Variants in PAFAH1B2 observed in about 807,000 individuals in gnomAD.
PAFAH1B2 encodes platelet activating factor acetylhydrolase 1b catalytic subunit 2, also known as platelet-activating factor acetylhydrolase IB subunit alpha2.
A neutral mutation model predicts 28.0 loss-of-function variants in PAFAH1B2; 8 were observed. The observed-to-expected ratio is 0.29, with a 90% CI of 0.17 to 0.52. The LOEUF is 0.52. PAFAH1B2 is among the 20% of genes least tolerant of loss of function. The pLI is 0.97. For missense variants in PAFAH1B2, 190 were observed against 282.6 expected (o/e 0.67, Z 2.35); for synonymous variants, 104 against 103.2 (o/e 1.01, Z -0.05).
downstream of PAFAH1B2, chr11:117,175,450 C>T: frequency 9.4e-7 from 1 of 1,068,396 alleles, no homozygotes; most frequent in Non-Finnish European, 1.1e-6. Flanking sequence ...GCAGTTGCTG[C>T]CCTCCCACTC....
At chr11:117,157,915 A>G (rs1052216128) in intron 2 of PAFAH1B2, among the ~76,000 whole-genome samples, 3 of 152,178 alleles carry the variant, frequency 2.0e-5, no homozygotes, top group Admixed American at 2.0e-4. Context: ...AGGCGGGTGG[A>G]TCACCTGAGG....
chr11:117,155,581 G>A (rs1956239563), intron 2 of PAFAH1B2, among the ~76,000 whole-genome samples: 1 of 152,132 alleles, frequency 6.6e-6, no homozygotes. Flanking sequence ...TATATTGCTG[G>A]AGTCCTTACA....
rs754800366 is a variant in PAFAH1B2, at chr11:117,161,152, G to A, written c.179G>A (p.Arg60Gln). 17 of 1,586,376 alleles carry A rather than the reference G, an allele frequency of 1.1e-5. No individual in the cohort carries two copies. In the Admixed American group the frequency reaches 1.8e-4, roughly 17 times the overall value. ...AAGTTTTTCTTTTTTTAGATATGGC[G>A]AGAGCTTTTTTCCCCACTTCATGCA... is the stretch of plus-strand genomic sequence containing the variant. ...VQLMQQYEIW[R>Q]ELFSPLHALN... Residue 60 changes from arginine (R) to glutamine (Q), a missense_variant, in exon 4 of 6, where the codon CGA (arginine) becomes CAA (glutamine). Transcript: ENST00000527958.
In PAFAH1B2 at chr11:117,169,962, A is replaced by T; in HGVS notation, c.*2263A>T. On this transcript the variant is annotated 3_prime_UTR_variant, in exon 6 of 6. Transcript: ENST00000527958. Reference sequence around the variant, plus strand: ...GAGCTGGCCCTCAGCTCCTTTGCTCATGTGTACAAACCTCAGATGTTACTA... The same window carrying T: ...GAGCTGGCCCTCAGCTCCTTTGCTCTTGTGTACAAACCTCAGATGTTACTA... 2 of 1,052,966 alleles carry T rather than the reference A, an allele frequency of 1.9e-6. No homozygotes were observed. Among genetic ancestry groups the T allele is most frequent in the Non-Finnish European group, 2.3e-6 (2 of 871,528 alleles). The allele number at this position is 1,052,966 out of a possible 1,614,324, so 65.2% of individuals were successfully genotyped here. A position where few individuals can be genotyped will look rare whatever the true frequency, so the allele number is the denominator to read the frequency against.
chr11:117,157,577 A>T lies in PAFAH1B2; in HGVS notation c.82-2357A>T, dbSNP rs117588325. Among the ~76,000 whole-genome samples the T allele has an allele frequency of 1.1e-3, 163 of 152,236 alleles. 2 individuals are homozygous for T. The East Asian group carries it at 0.025, about 23-fold the overall frequency. The stretch of plus-strand genomic sequence containing the variant: ...TGTCAACAGAAATACTTAAATAGTA[A>T]CTCTTCCTTAATTCCTAAGGGAAAC... On this transcript the variant is annotated intron_variant, in intron 2 of 5. Transcript: ENST00000527958.
Position 117,170,102 on chromosome 11 carries a change from A to C in PAFAH1B2, c.*2403A>C. The C allele has an allele frequency of 1.9e-6, 2 of 1,055,816 alleles. No individual in the cohort carries two copies. The highest frequency in any genetic ancestry group is 2.3e-6 in the Non-Finnish European group (2 of 873,464). 65.4% of individuals were successfully genotyped at this position (1,055,816 alleles called of 1,614,324 possible). ...ATTGAGTTCACTTTCATTTTTTGCC[A>C]GATTTCTTTGCACTACTTTAGGTAA... On this transcript the variant is annotated 3_prime_UTR_variant, in exon 6 of 6. Transcript: ENST00000527958.
rs73578678 is a variant in PAFAH1B2, at chr11:117,162,922, G to A, written c.289-848G>A. On this transcript the variant is annotated intron_variant, in intron 4 of 5. Coordinates refer to ENST00000527958, the MANE Select transcript of PAFAH1B2 (RefSeq NM_002572.4). Reference sequence around the variant, plus strand: ...CTTACTTGCAGTCTTGAACTCCTGGGCTGAATCAATCTTCCCACCTCAGTG... The same window carrying A: ...CTTACTTGCAGTCTTGAACTCCTGGACTGAATCAATCTTCCCACCTCAGTG... 2.4e-3 allele frequency among the ~76,000 whole-genome samples: 362 copies of A among 152,178 alleles called. 1 individual carries two copies. Among genetic ancestry groups the A allele is most frequent in the African/African-American group, 8.2e-3 (339 of 41,518 alleles).
At position 117,144,392 on chromosome 11, in the gene PAFAH1B2, TG is replaced by T; in HGVS notation, c.-30del. 7.2e-6 allele frequency: 3 copies of T among 415,280 alleles called. No individual in the cohort carries two copies. Among genetic ancestry groups the T allele is most frequent in the Admixed American group, 5.0e-5 (2 of 39,966 alleles). 25.7% of individuals were successfully genotyped at this position (415,280 alleles called of 1,614,324 possible). Reference sequence around the variant, plus strand: ...GCCACCCGCCGACGCCTCAGCCGCTTGGGGCCCGCACGGACCCTCTACTTCA... The same window carrying T: ...GCCACCCGCCGACGCCTCAGCCGCTTGGGCCCGCACGGACCCTCTACTTCA... On this transcript the variant is annotated 5_prime_UTR_variant, in exon 1 of 6. Transcript: ENST00000527958.
At chr11:117,172,233 T>C (rs7120565), downstream of PAFAH1B2, among the ~76,000 whole-genome samples, 68,697 of 151,550 alleles carry the variant, frequency 0.45, 18,165 homozygotes, top group Non-Finnish European at 0.61. Context: ...CTTAACCCAA[T>C]GACATGTTTT....
intron 2 of PAFAH1B2, 23 bp from the exon 3 acceptor site, chr11:117,159,911 T>A: frequency 1.9e-6 from 3 of 1,585,248 alleles, no homozygotes; most frequent in Non-Finnish European, 2.6e-6. Context: ...GTTAATAATT[T>A]TTTTTTTTCT....
chr11:117,162,698 G>A (rs978265264), intron 4 of PAFAH1B2, among the ~76,000 whole-genome samples: 1 of 151,956 alleles, frequency 6.6e-6, no homozygotes, highest in African/African-American at 2.4e-5. Context: ...AGGTTGCAGT[G>A]AGCCAGGATC....
chr11:117,147,441 A>G (rs189787436), intron 1 of PAFAH1B2, among the ~76,000 whole-genome samples: 3,104 of 152,204 alleles, frequency 0.02, 53 homozygotes, highest in Non-Finnish European at 0.028. Flanking sequence ...CAAGCAGTCC[A>G]CCTGCCTTAG....
intron 4 of PAFAH1B2, 40 bp downstream of exon 4, chr11:117,161,301 T>A (rs748497308): frequency 1.0e-5 from 13 of 1,261,288 alleles, no homozygotes; most frequent in Non-Finnish European, 1.2e-5. Context: ...TAATCTTAAG[T>A]CTGTTTTGGA....
intron 1 of PAFAH1B2, among the ~76,000 whole-genome samples, chr11:117,149,444 T>TTTTTTTTTTTTTTA (rs55897321): frequency 4.2e-5 from 6 of 142,430 alleles, no homozygotes; most frequent in Non-Finnish European, 7.7e-5. Flanking sequence ...TTTTTTTTTT[T>TTTTTTTTTTTTTTA]GAGATGGAGT....
downstream of PAFAH1B2, chr11:117,175,914 C>G: frequency 6.5e-7 from 1 of 1,535,790 alleles, no homozygotes; most frequent in Non-Finnish European, 8.7e-7. Flanking sequence ...AGATTATTTA[C>G]TGGCAAGATG....
At chr11:117,161,295 C>T (rs564034880) in intron 4 of PAFAH1B2, 34 bp downstream of exon 4, 1 of 1,293,740 alleles carries the variant, frequency 7.7e-7, no homozygotes, top group Non-Finnish European at 1.1e-6. Context: ...TGTCATTAAT[C>T]TTAAGTCTGT....
rs1227596073 is a variant in PAFAH1B2 at position 117,168,271 on chromosome 11, T to C, written c.*572T>C. The C allele has an allele frequency of 9.4e-6, 10 of 1,063,144 alleles. No individual in the cohort carries two copies. Among genetic ancestry groups the C allele is most frequent in the Non-Finnish European group, 1.1e-5 (10 of 877,998 alleles). 65.9% of individuals were successfully genotyped at this position (1,063,144 alleles called of 1,614,324 possible). On this transcript the variant is annotated 3_prime_UTR_variant, in exon 6 of 6. Transcript: ENST00000527958. Reference sequence around the variant, plus strand: ...TAGAAGTGAATTTGTTCTGCTTTCTTAATCTTTTCCATGCTTAGCAGTGAA... The same window carrying C: ...TAGAAGTGAATTTGTTCTGCTTTCTCAATCTTTTCCATGCTTAGCAGTGAA...
At position 117,169,452 on chromosome 11, in the gene PAFAH1B2, C is replaced by G; in HGVS notation, c.*1753C>G. 2 of 1,050,052 alleles carry G rather than the reference C, an allele frequency of 1.9e-6. No individual in the cohort carries two copies. The highest frequency in any genetic ancestry group is 1.1e-6 in the Non-Finnish European group (1 of 870,476). 65.0% of individuals were successfully genotyped at this position (1,050,052 alleles called of 1,614,324 possible). On this transcript the variant is annotated 3_prime_UTR_variant, in exon 6 of 6. Transcript: ENST00000527958. ...TCCGCTTAATGTTTAAATTCAGTAA[C>G]GTACTTGAAAGGCAAATTTCAGTGC...
At chr11:117,149,369 C>T (rs908752646) in intron 1 of PAFAH1B2, among the ~76,000 whole-genome samples, 11 of 150,664 alleles carry the variant, frequency 7.3e-5, no homozygotes, top group Non-Finnish European at 1.0e-4. Flanking sequence ...AAGTGTGAGC[C>T]GCCACACCTG....
Sources: allele counts gnomAD v4.1 joint callset (sites outside exome capture counted in the v4.1 genomes callset), GRCh38; gene constraint gnomAD v4.1.1; transcripts MANE v1.5; gene names NCBI Gene and HGNC (gene_info 2026-07-23, HGNC 2026-07-21).